The following RAP1GAP2 variants were observed in gnomAD, a reference collection of about 807,000 sequenced individuals.
RAP1GAP2 encodes rap1 GTPase-activating protein 2.
Under a neutral mutation model 95.0 loss-of-function variants are expected in RAP1GAP2, and 27 were observed. The observed-to-expected ratio is 0.28, with a 90% CI of 0.21 to 0.39. The LOEUF (loss-of-function observed/expected upper bound fraction) is 0.39. Among genes scored for constraint, RAP1GAP2 ranks in the 10% least tolerant of loss-of-function variants. The probability of loss-of-function intolerance (pLI) is 1.00; values close to 1 mark genes in which losing one functional copy is unlikely to be tolerated. For missense variants in RAP1GAP2, 771 were observed against 970.0 expected, an observed-to-expected ratio of 0.79 and a Z score of 2.72; for synonymous variants, 373 against 380.9, an observed-to-expected ratio of 0.98 and a Z score of 0.24.
intron 3 of RAP1GAP2, among the ~76,000 whole-genome samples, chr17:2,924,843 G>A (rs2042900714): frequency 6.6e-6 from 1 of 152,108 alleles, no homozygotes; most frequent in South Asian, 2.1e-4. Flanking sequence ...TGAGACCTTC[G>A]CCAGATGACC....
At chr17:2,775,128 G>A (rs60757809), upstream of RAP1GAP2, among the ~76,000 whole-genome samples, 3,366 of 148,928 alleles carry the variant, frequency 0.023, 97 homozygotes, top group African/African-American at 0.079. Context: ...CACCGCGCCC[G>A]GCCAGCCACC....
rs1030668283 is a variant in RAP1GAP2, at chr17:2,797,351, G to A, written c.44+780G>A. Reference sequence around the variant, plus strand: ...GGCGGGGGGCAGAAGGTAGGCACACGAAGGCCAAAGGCTTGTCTCTGGTTC... The same window carrying A: ...GGCGGGGGGCAGAAGGTAGGCACACAAAGGCCAAAGGCTTGTCTCTGGTTC... On this transcript the variant is annotated intron_variant, in intron 1 of 24. Coordinates refer to ENST00000254695, the MANE Select transcript of RAP1GAP2 (RefSeq NM_015085.5). The surrounding 1 kb of genome is among the most constrained non-coding windows in gnomAD (Gnocchi z 5.6). Among the ~76,000 whole-genome samples, 11 of 152,184 alleles carry A rather than the reference G, an allele frequency of 7.2e-5. No homozygotes were observed. The highest frequency in any genetic ancestry group is 2.9e-5 in the Non-Finnish European group (2 of 68,036).
Position 2,984,086 on chromosome 17 carries a change from C to T in RAP1GAP2, c.730-897C>T, listed in dbSNP as rs116964092. 0.014 allele frequency among the ~76,000 whole-genome samples: 2,158 copies of T among 152,338 alleles called. 163 individuals are homozygous for T. In the East Asian group the frequency reaches 0.21, roughly 15 times the overall value. ...AGAGTTTAGGCTGGGCGTGGTAGCTCATGCCTGTAACCTCAGCGCTTTGGG... is the reference window on the plus strand; with the variant it reads ...AGAGTTTAGGCTGGGCGTGGTAGCTTATGCCTGTAACCTCAGCGCTTTGGG... On this transcript the variant is annotated intron_variant, in intron 10 of 24. Coordinates refer to ENST00000254695, the MANE Select transcript of RAP1GAP2 (RefSeq NM_015085.5).
At chr17:3,017,757 G>T (rs1230798093) in intron 17 of RAP1GAP2, among the ~76,000 whole-genome samples, 2 of 152,114 alleles carry the variant, frequency 1.3e-5, no homozygotes. Flanking sequence ...GTAAGATGAA[G>T]ATAATAACCT....
chr17:2,963,599 C>T lies in RAP1GAP2; in HGVS notation c.279+137C>T. On this transcript the variant is annotated intron_variant, in intron 6 of 24. Transcript: ENST00000254695. The surrounding 1 kb of genome is among the most constrained non-coding windows in gnomAD (Gnocchi z 4.8). ...CCTGGGACCTCTCTTCCTGTCTTTG[C>T]CTTTGTAACCTCAGCTTCTCCATGT... 5.9e-6 allele frequency: 7 copies of T among 1,186,114 alleles called. No homozygotes were observed. Among genetic ancestry groups the T allele is most frequent in the Non-Finnish European group, 8.6e-6 (7 of 813,106 alleles). 73.5% of individuals were successfully genotyped at this position (1,186,114 alleles called of 1,614,324 possible).
At chr17:2,845,045 C>T (rs1433170225) in intron 2 of RAP1GAP2, among the ~76,000 whole-genome samples, 1 of 152,214 alleles carries the variant, frequency 6.6e-6, no homozygotes, top group African/African-American at 2.4e-5. Context: ...TGGTCCCGGC[C>T]TGCACACTGT....
At chr17:2,944,420 C>G (rs185885910) in intron 3 of RAP1GAP2, among the ~76,000 whole-genome samples, 37 of 152,326 alleles carry the variant, frequency 2.4e-4, no homozygotes, top group Non-Finnish European at 4.1e-4. Flanking sequence ...TTGGTCTTGG[C>G]AATCCTGTCA....
rs190111838 is a variant in RAP1GAP2 at position 3,026,974 on chromosome 17, A to C, written c.2011A>C (p.Lys671Gln). The C allele has an allele frequency of 5.1e-6, 8 of 1,554,268 alleles. No homozygotes were observed. The highest frequency in any genetic ancestry group is 1.2e-5 in the South Asian group (1 of 84,190). Residue 671 changes from lysine (K) to glutamine (Q), a missense_variant, in exon 22 of 25, where the codon AAG becomes CAG. Transcript: ENST00000254695. ...GSQPSTTSPF[K>Q]QEVFVYSPSP... ...CCAGCCGTCCACGACCTCACCCTTC[A>C]AGCAGGAGGTGTTTGTCTACAGCCC...
chr17:2,839,142 A>C (rs977816976), intron 2 of RAP1GAP2, among the ~76,000 whole-genome samples: 2 of 152,004 alleles, frequency 1.3e-5, no homozygotes, highest in Non-Finnish European at 2.9e-5. Context: ...GTCTCTACTA[A>C]AAATACAAAA....
At chr17:2,889,619 A>G (rs1288262540) in intron 2 of RAP1GAP2, among the ~76,000 whole-genome samples, 1 of 151,046 alleles carries the variant, frequency 6.6e-6, no homozygotes, top group Non-Finnish European at 1.5e-5. Context: ...TTCTTTTCTA[A>G]TGTCCCAGAG....
At chr17:2,976,271 A>G (rs1375741661) in intron 8 of RAP1GAP2, among the ~76,000 whole-genome samples, 3 of 152,240 alleles carry the variant, frequency 2.0e-5, no homozygotes, top group African/African-American at 7.2e-5. Context: ...AGCAAAAGAA[A>G]AAAATACATT....
At chr17:2,939,024 T>C (rs573219700) in intron 3 of RAP1GAP2, among the ~76,000 whole-genome samples, 1 of 152,082 alleles carries the variant, frequency 6.6e-6, no homozygotes, top group African/African-American at 2.4e-5. Flanking sequence ...CTTCAGGCTG[T>C]TCCTCAAAGA....
At chr17:2,885,300 G>C (rs1256610749) in intron 2 of RAP1GAP2, among the ~76,000 whole-genome samples, 1 of 152,234 alleles carries the variant, frequency 6.6e-6, no homozygotes, top group East Asian at 1.9e-4. Context: ...CCAAAGTGCT[G>C]GGATTACAGG....
chr17:2,897,368 G>A (rs936215171), intron 2 of RAP1GAP2, among the ~76,000 whole-genome samples: 3 of 151,798 alleles, frequency 2.0e-5, no homozygotes, highest in Admixed American at 2.0e-4. Flanking sequence ...CAAAAAAATG[G>A]GTGTCCAGAA....
intron 14 of RAP1GAP2, among the ~76,000 whole-genome samples, chr17:2,999,069 G>A (rs976131176): frequency 6.6e-6 from 1 of 152,122 alleles, no homozygotes; most frequent in Non-Finnish European, 1.5e-5. Flanking sequence ...AGGCAGATAC[G>A]CAAGCACCTG....
At chr17:2,950,040 T>TTTCTTCTTC (rs752128071) in intron 3 of RAP1GAP2, among the ~76,000 whole-genome samples, 5 of 122,338 alleles carry the variant, frequency 4.1e-5, no homozygotes, top group African/African-American at 1.5e-4. Context: ...ACCCATTTCT[T>TTTCTTCTTC]TTCTTCTTCT....
At chr17:2,822,054 T>C (rs1194198213) in intron 2 of RAP1GAP2, among the ~76,000 whole-genome samples, 1 of 152,118 alleles carries the variant, frequency 6.6e-6, no homozygotes, top group Non-Finnish European at 1.5e-5. Context: ...TCTGGGGCAG[T>C]GAGGATTTCA....
chr17:3,030,567 G>A (rs764055832), intron 22 of RAP1GAP2, among the ~76,000 whole-genome samples: 12 of 152,182 alleles, frequency 7.9e-5, no homozygotes, highest in Non-Finnish European at 1.5e-4. Flanking sequence ...CATCTTTAGG[G>A]TGTTTCTACC....
At chr17:2,896,883 G>C (rs2041846410) in intron 2 of RAP1GAP2, among the ~76,000 whole-genome samples, 1 of 152,186 alleles carries the variant, frequency 6.6e-6, no homozygotes, top group Non-Finnish European at 1.5e-5. Flanking sequence ...GCAGCCACAG[G>C]GTCCTGCGCA....
Sources: gnomAD v4.1 joint callset for allele counts (sites outside exome capture counted in the v4.1 genomes callset) on GRCh38, gnomAD v4.1.1 for gene constraint, Gnocchi (gnomAD v3.1) non-coding constraint, MANE v1.5 for transcripts, NCBI Gene and HGNC (gene_info 2026-07-23, HGNC 2026-07-21) for gene names.